Variants in WSCD2 observed in about 807,000 individuals in gnomAD.
WSCD2 encodes WSC domain sialate O sulfotransferase 2.
In WSCD2, 28 loss-of-function variants were observed where a neutral mutation model predicts 55.7. The ratio of observed to expected loss-of-function variants is 0.50; its 90% CI spans 0.37 to 0.69. WSCD2 has a LOEUF of 0.69. WSCD2 is among the 30% of genes least tolerant of loss of function. WSCD2 has a pLI of 0.00. For missense variants in WSCD2, 616 were observed against 762.1 expected (o/e 0.81, Z 2.26); for synonymous variants, 301 against 301.9 (o/e 1.00, Z 0.03).
At chr12:108,177,409 T>C (rs1026698402) in intron 1 of WSCD2, among the ~76,000 whole-genome samples, 3 of 152,120 alleles carry the variant, frequency 2.0e-5, no homozygotes, top group Non-Finnish European at 4.4e-5. Flanking sequence ...GCAGTAAGTA[T>C]AGTGAGTGCA....
chr12:108,206,470 T>C (rs1285782134), intron 3 of WSCD2, 67 bp downstream of exon 3: 22 of 1,488,810 alleles, frequency 1.5e-5, no homozygotes, highest in Non-Finnish European at 2.0e-5. Flanking sequence ...ACCTGTGGTA[T>C]TCTTTGCCCT....
In WSCD2 at chr12:108,129,494, G is replaced by A. The variant is rs1265752990; in HGVS notation, c.-984G>A. ...CCATCCCCGGGGCGGGTGCCCGCGC[G>A]GGGCCTCGCCGCGGCTCGGGGCACC... On this transcript the variant is annotated 5_prime_UTR_variant, in exon 1 of 9. Coordinates refer to ENST00000547525, the MANE Select transcript of WSCD2 (RefSeq NM_014653.4). The A allele has an allele frequency of 6.6e-6, 1 of 151,488 alleles. No homozygotes were observed. Among genetic ancestry groups the A allele is most frequent in the African/African-American group, 2.4e-5 (1 of 41,340 alleles). The allele number at this position is 151,488 out of a possible 1,614,324, so 9.4% of individuals were successfully genotyped here.
intron 2 of WSCD2, among the ~76,000 whole-genome samples, chr12:108,204,634 T>C (rs1232905613): frequency 6.6e-6 from 1 of 152,214 alleles, no homozygotes; most frequent in Non-Finnish European, 1.5e-5. Flanking sequence ...TTCTCCAGGG[T>C]TGTCACTGTC....
At position 108,158,892 on chromosome 12, in the gene WSCD2, A is replaced by G. The variant is rs893185994; in HGVS notation, c.-552+28966A>G. ...CCCACCCCACCCTCATGGAACCAACATTACCCTCCTTGTGTCTTTGATGCT... is the reference window on the plus strand; with the variant it reads ...CCCACCCCACCCTCATGGAACCAACGTTACCCTCCTTGTGTCTTTGATGCT... On this transcript the variant is annotated intron_variant, in intron 1 of 8. Transcript: ENST00000547525. Among the ~76,000 whole-genome samples, 6 of 152,146 alleles carry G rather than the reference A, an allele frequency of 3.9e-5. No homozygotes were observed. The East Asian group carries it at 1.2e-3, about 29-fold the overall frequency.
At chr12:108,170,372 C>G (rs1286253505) in intron 1 of WSCD2, among the ~76,000 whole-genome samples, 1 of 151,342 alleles carries the variant, frequency 6.6e-6, no homozygotes, top group Non-Finnish European at 1.5e-5. Flanking sequence ...AATGACAAGA[C>G]AACAATGATG....
chr12:108,159,568 T>C (rs1008755072), intron 1 of WSCD2, among the ~76,000 whole-genome samples: 1 of 152,246 alleles, frequency 6.6e-6, no homozygotes, highest in Non-Finnish European at 1.5e-5. Flanking sequence ...TGGCACATCA[T>C]AGATGCTCAA....
At chr12:108,197,010 C>A (rs576905387) in intron 2 of WSCD2, 9 of 152,342 alleles carry the variant, frequency 5.9e-5, no homozygotes, top group African/African-American at 1.9e-4. Context: ...TTCATCTGGC[C>A]TGAATGCTCA....
chr12:108,228,633 C>A (rs1374954607), intron 6 of WSCD2, among the ~76,000 whole-genome samples: 3 of 152,186 alleles, frequency 2.0e-5, no homozygotes, highest in Non-Finnish European at 4.4e-5. Context: ...TGCCTAAAAG[C>A]CAGCCACATG....
intron 8 of WSCD2, among the ~76,000 whole-genome samples, chr12:108,243,331 G>A (rs190619249): frequency 3.3e-5 from 5 of 151,786 alleles, no homozygotes; most frequent in African/African-American, 7.3e-5. Flanking sequence ...TCTGCTTCCC[G>A]GGTTCACGCT....
At chr12:108,152,404 G>T (rs1202073596) in intron 1 of WSCD2, among the ~76,000 whole-genome samples, 1 of 152,190 alleles carries the variant, frequency 6.6e-6, no homozygotes, top group Non-Finnish European at 1.5e-5. Flanking sequence ...TGTGCGCTGG[G>T]CTCCCACAGG....
intron 1 of WSCD2, among the ~76,000 whole-genome samples, chr12:108,181,748 T>C (rs1420192453): frequency 8.5e-5 from 13 of 152,230 alleles, no homozygotes; most frequent in Non-Finnish European, 1.8e-4. Context: ...GTGACAGAGC[T>C]GGAGGAGGAC....
rs935531560 is a variant in WSCD2, at chr12:108,227,256, C to G, written c.979+92C>G. ...CTGCCAGTCCATCCCACACAGCCTG[C>G]AGCAAGGAGAAAACCATGCAAGCCA... is the stretch of plus-strand genomic sequence containing the variant. On this transcript the variant is annotated intron_variant, in intron 6 of 8. Coordinates refer to ENST00000547525, the MANE Select transcript of WSCD2 (RefSeq NM_014653.4). The G allele has an allele frequency of 7.6e-6, 11 of 1,448,650 alleles. No homozygotes were observed. In the South Asian group the frequency reaches 1.5e-4, roughly 20 times the overall value. 89.7% of individuals were successfully genotyped at this position (1,448,650 alleles called of 1,614,324 possible). A position where few individuals can be genotyped will look rare whatever the true frequency, so the allele number is the denominator to read the frequency against.
intron 1 of WSCD2, among the ~76,000 whole-genome samples, chr12:108,174,031 C>T (rs1390141374): frequency 6.6e-6 from 1 of 152,114 alleles, no homozygotes; most frequent in Non-Finnish European, 1.5e-5. Flanking sequence ...ACAGCGTCAT[C>T]TCACTTGGTC....
At chr12:108,218,231 G>C (rs183289811) in intron 4 of WSCD2, among the ~76,000 whole-genome samples, 2 of 152,378 alleles carry the variant, frequency 1.3e-5, no homozygotes, top group Admixed American at 1.3e-4. Flanking sequence ...AAGAAGGGCA[G>C]AGGTGCCAGT....
Position 108,240,519 on chromosome 12 carries a change from T to C in WSCD2, c.1320T>C (p.Ala440=). ...AGTACGGCGGCCACATAGGCTTTGC[T>C]GCGCATGCCCACTGGAAGGGCAAAG... ...NRKYGGHIGF[A]AHAHWKGKEW... The change falls in exon 8 of 9, where the codon GCT becomes GCC. Residue 440 remains alanine, a synonymous_variant. Coordinates refer to ENST00000547525, the MANE Select transcript of WSCD2 (RefSeq NM_014653.4). 7.2e-7 allele frequency: 1 copy of C among 1,380,470 alleles called. No individual in the cohort carries two copies. Among genetic ancestry groups the C allele is most frequent in the East Asian group, 4.4e-5 (1 of 22,960 alleles). The allele number at this position is 1,380,470 out of a possible 1,614,324, so 85.5% of individuals were successfully genotyped here.
intron 4 of WSCD2, among the ~76,000 whole-genome samples, chr12:108,221,757 C>T (rs1220376089): frequency 6.6e-6 from 1 of 152,202 alleles, no homozygotes; most frequent in East Asian, 1.9e-4. Flanking sequence ...TTTGAATGTT[C>T]TCAGGGTAGT....
At chr12:108,145,698 C>A (rs1036594212) in intron 1 of WSCD2, among the ~76,000 whole-genome samples, 3 of 152,120 alleles carry the variant, frequency 2.0e-5, no homozygotes, top group Admixed American at 2.0e-4. Flanking sequence ...ATACTCATAA[C>A]TGTGAAAAAC....
intron 1 of WSCD2, among the ~76,000 whole-genome samples, chr12:108,187,790 AG>A (rs1332644635): frequency 6.6e-5 from 10 of 152,298 alleles, no homozygotes; most frequent in South Asian, 2.1e-4. Context: ...ACTGAGTCAC[AG>A]AGAGGCCCCT....
At chr12:108,196,410 C>A in intron 2 of WSCD2, 196 bp downstream of exon 2, 1 of 874,060 alleles carries the variant, frequency 1.1e-6, no homozygotes. Flanking sequence ...AAGCGGCTTG[C>A]CCAAGGTCAC....
Sources: gnomAD v4.1 joint callset for allele counts (sites outside exome capture counted in the v4.1 genomes callset) on GRCh38, gnomAD v4.1.1 for gene constraint, MANE v1.5 for transcripts, NCBI Gene and HGNC (gene_info 2026-07-23, HGNC 2026-07-21) for gene names.